Variants in MMP16 observed in about 807,000 individuals in gnomAD.
MMP16 encodes matrix metalloproteinase-16.
MMP16 carries 12 observed loss-of-function variants against 67.8 expected under a neutral mutation model. The observed-to-expected ratio is 0.18, with a 90% CI of 0.11 to 0.29. The LOEUF (loss-of-function observed/expected upper bound fraction) is 0.29. Among genes scored for constraint, MMP16 ranks in the 10% least tolerant of loss-of-function variants. The pLI is 1.00. For missense variants in MMP16, 475 were observed against 765.7 expected (o/e 0.62, Z 4.48); for synonymous variants, 249 against 255.9 (o/e 0.97, Z 0.26).
intron 1 of MMP16, among the ~76,000 whole-genome samples, chr8:88,296,936 T>A (rs1563587803): frequency 1.3e-5 from 2 of 151,514 alleles, no homozygotes; most frequent in South Asian, 2.1e-4. Flanking sequence ...AAATAAATAA[T>A]TAAATAATAA....
intron 1 of MMP16, among the ~76,000 whole-genome samples, chr8:88,302,520 A>G (rs1206617256): frequency 6.6e-6 from 1 of 152,210 alleles, no homozygotes; most frequent in African/African-American, 2.4e-5. Flanking sequence ...AAGTGTGTCC[A>G]AATAAGTAAC....
chr8:88,246,672 T>A (rs2129913490), intron 1 of MMP16, among the ~76,000 whole-genome samples: 1 of 152,228 alleles, frequency 6.6e-6, no homozygotes, highest in African/African-American at 2.4e-5. Context: ...CTCCAGACAT[T>A]TTTTTAAGTA....
In MMP16 at chr8:88,036,467, A is replaced by T. The variant is rs556984246; in HGVS notation, c.*4994T>A. On this transcript the variant is annotated 3_prime_UTR_variant, in exon 10 of 10. Coordinates refer to ENST00000286614, the MANE Select transcript of MMP16 (RefSeq NM_005941.5). ...TAGCTTTCATATTTGTTGCGTTGCT[A>T]TTCCTGGTTGCCGCTTTATTTATTA... 1 of 151,902 alleles carries T rather than the reference A, an allele frequency of 6.6e-6. No homozygotes were observed. The highest frequency in any genetic ancestry group is 2.1e-4 in the South Asian group (1 of 4,820). 9.4% of individuals were successfully genotyped at this position (151,902 alleles called of 1,614,324 possible). A position where few individuals can be genotyped will look rare whatever the true frequency, so the allele number is the denominator to read the frequency against.
intron 3 of MMP16, among the ~76,000 whole-genome samples, chr8:88,169,941 G>A (rs1303889197): frequency 6.6e-6 from 1 of 152,140 alleles, no homozygotes; most frequent in Non-Finnish European, 1.5e-5. Context: ...AATGTCTTGA[G>A]ACATTATGTT....
At chr8:88,301,025 AG>A (rs1811090108) in intron 1 of MMP16, among the ~76,000 whole-genome samples, 1 of 152,230 alleles carries the variant, frequency 6.6e-6, no homozygotes, top group Admixed American at 6.5e-5. Flanking sequence ...ATGTAAGAGC[AG>A]GGATCACTTA....
intron 4 of MMP16, among the ~76,000 whole-genome samples, chr8:88,159,438 G>T (rs1017845604): frequency 6.6e-6 from 1 of 152,136 alleles, no homozygotes; most frequent in African/African-American, 2.4e-5. Flanking sequence ...GTGAATGGGA[G>T]TTCACTCATG....
At chr8:88,247,660 C>A (rs1810135642) in intron 1 of MMP16, among the ~76,000 whole-genome samples, 1 of 151,930 alleles carries the variant, frequency 6.6e-6, no homozygotes, top group African/African-American at 2.4e-5. Flanking sequence ...GTAGGAAAAC[C>A]CTGGAACAAT....
At chr8:88,202,891 G>A (rs968489939) in intron 1 of MMP16, among the ~76,000 whole-genome samples, 3 of 152,116 alleles carry the variant, frequency 2.0e-5, no homozygotes, top group South Asian at 4.1e-4. Context: ...GCCAAGTGAA[G>A]AGAAATGCTG....
chr8:88,226,165 A>C (rs1026623421), intron 1 of MMP16, among the ~76,000 whole-genome samples: 1 of 151,668 alleles, frequency 6.6e-6, no homozygotes, highest in Non-Finnish European at 1.5e-5. Context: ...TCCTTTTCCC[A>C]TTTTTTTCAA....
At chr8:88,325,216 AC>A (rs1239897804) in intron 1 of MMP16, among the ~76,000 whole-genome samples, 2 of 152,224 alleles carry the variant, frequency 1.3e-5, no homozygotes, top group African/African-American at 4.8e-5. Context: ...TACAATCATA[AC>A]TTTTTTGCAT....
intron 8 of MMP16, among the ~76,000 whole-genome samples, chr8:88,052,769 C>T (rs1199776666): frequency 1.3e-5 from 2 of 152,204 alleles, no homozygotes; most frequent in Non-Finnish European, 2.9e-5. Context: ...ATAGCATCCA[C>T]CTGCAACACA....
intron 1 of MMP16, among the ~76,000 whole-genome samples, chr8:88,264,184 G>A (rs1056931815): frequency 6.6e-6 from 1 of 151,752 alleles, no homozygotes; most frequent in African/African-American, 2.4e-5. Flanking sequence ...GCGTGCACGT[G>A]CACACATACA....
At chr8:88,096,941 C>A (rs1427051491) in intron 6 of MMP16, among the ~76,000 whole-genome samples, 1 of 151,852 alleles carries the variant, frequency 6.6e-6, no homozygotes, top group African/African-American at 2.4e-5. Flanking sequence ...CTCTCAATCT[C>A]TAACATTTGA....
intron 1 of MMP16, among the ~76,000 whole-genome samples, chr8:88,251,762 T>A (rs1354906582): frequency 7.1e-5 from 9 of 127,354 alleles, no homozygotes; most frequent in Non-Finnish European, 1.1e-4. Flanking sequence ...AGGGCTAATA[T>A]CCAGAATCTA....
Position 88,327,123 on chromosome 8 carries a change from C to G in MMP16, c.84G>C (p.Trp28Cys). 3.1e-6 allele frequency: 5 copies of G among 1,614,042 alleles called. No individual in the cohort carries two copies. Among genetic ancestry groups the G allele is most frequent in the Non-Finnish European group, 4.2e-6 (5 of 1,179,996 alleles). The change falls in exon 1 of 10, where the codon TGG becomes TGC. Residue 28 changes from tryptophan (W) to cysteine (C), a missense_variant. Around this residue, in one of 5 missense-constraint regions of MMP16, gnomAD observed 170 missense variants for 239.6 expected, o/e 0.71. Coordinates refer to ENST00000286614, the MANE Select transcript of MMP16 (RefSeq NM_005941.5). Reference sequence around the variant, plus strand: ...TTCCGCAGACTGTAGCACATAAAATCCAAAGCAAGGTTTGCAAGAAAAACA... The same window carrying G: ...TTCCGCAGACTGTAGCACATAAAATGCAAAGCAAGGTTTGCAAGAAAAACA... ...SGVFFLQTLLWILCATVCGTE... is the reference protein window; with the variant it reads ...SGVFFLQTLLCILCATVCGTE...
In MMP16 at chr8:88,036,311, G is replaced by A. The variant is rs551998823; in HGVS notation, c.*5150C>T. 1 of 151,726 alleles carries A rather than the reference G, an allele frequency of 6.6e-6. No homozygotes were observed. The highest frequency in any genetic ancestry group is 6.6e-5 in the Admixed American group (1 of 15,208). 9.4% of individuals were successfully genotyped at this position (151,726 alleles called of 1,614,324 possible). Reference sequence around the variant, plus strand: ...GGATTTTTTTCCTCCACTATTTTATGCTTGCTAAAGTAAAATTTCCAGTTG... The same window carrying A: ...GGATTTTTTTCCTCCACTATTTTATACTTGCTAAAGTAAAATTTCCAGTTG... On this transcript the variant is annotated 3_prime_UTR_variant, in exon 10 of 10. Coordinates refer to ENST00000286614, the MANE Select transcript of MMP16 (RefSeq NM_005941.5).
intron 3 of MMP16, among the ~76,000 whole-genome samples, chr8:88,171,674 A>C (rs1232566166): frequency 6.6e-6 from 1 of 152,196 alleles, no homozygotes; most frequent in Admixed American, 6.5e-5. Context: ...AGGTTTTGCT[A>C]TGTAAAGTTA....
At chr8:88,061,327 C>G (rs1413202712) in intron 7 of MMP16, among the ~76,000 whole-genome samples, 1 of 152,052 alleles carries the variant, frequency 6.6e-6, no homozygotes, top group Non-Finnish European at 1.5e-5. Flanking sequence ...AGAAAGGCCT[C>G]TTCTGTTGGC....
chr8:88,312,528 T>TCAAATTTTG (rs1811311316), intron 1 of MMP16, among the ~76,000 whole-genome samples: 1 of 151,998 alleles, frequency 6.6e-6, no homozygotes, highest in Non-Finnish European at 1.5e-5. Flanking sequence ...AGTTTTGACA[T>TCAAATTTTG]ACACAGACCA....
Sources: allele counts gnomAD v4.1 joint callset (sites outside exome capture counted in the v4.1 genomes callset), GRCh38; gene constraint gnomAD v4.1.1; regional missense constraint gnomAD v4.1.1; transcripts MANE v1.5; gene names NCBI Gene and HGNC (gene_info 2026-07-23, HGNC 2026-07-21).